Variants in TEAD1 observed in about 807,000 individuals in gnomAD.
The protein encoded by TEAD1 is transcriptional enhancer factor TEF-1.
In TEAD1, 9 loss-of-function variants were observed where a neutral mutation model predicts 54.9. The observed-to-expected ratio is 0.16, with a 90% CI of 0.10 to 0.29. The LOEUF is 0.29. Ranked by LOEUF, TEAD1 falls within the 10% of genes least tolerant of loss-of-function variation. The probability of loss-of-function intolerance (pLI) is 1.00; values close to 1 mark genes in which losing one functional copy is unlikely to be tolerated. For synonymous variants in TEAD1, 200 were observed against 187.8 expected (o/e 1.07, Z -0.53); for missense variants, 387 against 535.9 (o/e 0.72, Z 2.74).
At chr11:12,797,378 T>G (rs555104285) in intron 3 of TEAD1, among the ~76,000 whole-genome samples, 1 of 152,252 alleles carries the variant, frequency 6.6e-6, no homozygotes, top group East Asian at 1.9e-4. Flanking sequence ...ATGCATTTGG[T>G]CCTCAGACTA....
chr11:12,770,871 C>G (rs1042229524), intron 3 of TEAD1, among the ~76,000 whole-genome samples: 1 of 152,218 alleles, frequency 6.6e-6, no homozygotes, highest in Admixed American at 6.5e-5. Context: ...ATGAGACAGA[C>G]AGACTTAGCT....
intron 2 of TEAD1, among the ~76,000 whole-genome samples, chr11:12,756,075 A>G (rs907675620): frequency 6.6e-6 from 1 of 152,190 alleles, no homozygotes; most frequent in Non-Finnish European, 1.5e-5. Flanking sequence ...GATGGAGCGG[A>G]GAATTAATCA....
intron 10 of TEAD1, among the ~76,000 whole-genome samples, chr11:12,912,692 A>C (rs1327008430): frequency 1.3e-5 from 2 of 152,148 alleles, no homozygotes; most frequent in Non-Finnish European, 2.9e-5. Context: ...GAAAATGAGC[A>C]CAAGAGCTTA....
rs1356798776 is a variant in TEAD1, at chr11:12,944,515, G to T, written c.*7293G>T. On this transcript the variant is annotated 3_prime_UTR_variant, in exon 13 of 13. Coordinates refer to ENST00000527636, the MANE Select transcript of TEAD1 (RefSeq NM_021961.6). ...AAAAAAATGTATTCTAGCTTTTGCGGTACATATGTGTGATAACTTTAATAC... is the reference window on the plus strand; with the variant it reads ...AAAAAAATGTATTCTAGCTTTTGCGTTACATATGTGTGATAACTTTAATAC... 1 of 152,258 alleles carries T rather than the reference G, an allele frequency of 6.6e-6. No individual in the cohort carries two copies. The highest frequency in any genetic ancestry group is 1.5e-5 in the Non-Finnish European group (1 of 67,978). 9.4% of individuals were successfully genotyped at this position (152,258 alleles called of 1,614,324 possible).
chr11:12,905,235 G>A (rs902789871), intron 10 of TEAD1, among the ~76,000 whole-genome samples: 3 of 152,100 alleles, frequency 2.0e-5, no homozygotes, highest in African/African-American at 7.2e-5. Flanking sequence ...TTACCCAGTG[G>A]ATGATTTTAA....
intron 3 of TEAD1, among the ~76,000 whole-genome samples, chr11:12,799,333 C>A (rs1390767396): frequency 6.6e-6 from 1 of 152,216 alleles, no homozygotes; most frequent in Non-Finnish European, 1.5e-5. Flanking sequence ...TAGTCACATG[C>A]AATCTTTTTC....
chr11:12,892,346 A>T (rs1948213248), intron 9 of TEAD1, among the ~76,000 whole-genome samples: 1 of 152,158 alleles, frequency 6.6e-6, no homozygotes, highest in Admixed American at 6.5e-5. Flanking sequence ...ACAAGATAAA[A>T]AGCAAGGTTT....
intron 3 of TEAD1, among the ~76,000 whole-genome samples, chr11:12,803,991 A>T (rs1946118217): frequency 1.3e-5 from 2 of 152,324 alleles, no homozygotes; most frequent in Non-Finnish European, 2.9e-5. Flanking sequence ...GTTAGTTAGA[A>T]TTTGGTGGTG....
intron 9 of TEAD1, among the ~76,000 whole-genome samples, chr11:12,887,853 G>A (rs79849321): frequency 0.012 from 1,880 of 152,262 alleles, 37 homozygotes; most frequent in African/African-American, 0.043. Context: ...CGAACAAAGT[G>A]ACCAATAATT....
intron 3 of TEAD1, among the ~76,000 whole-genome samples, chr11:12,786,188 T>C (rs2133955074): frequency 6.6e-6 from 1 of 152,272 alleles, no homozygotes; most frequent in South Asian, 2.1e-4. Context: ...AAATGGGGAT[T>C]TAGGCAGAGA....
intron 10 of TEAD1, among the ~76,000 whole-genome samples, chr11:12,904,386 T>TA (rs1159822571): frequency 6.6e-6 from 1 of 152,216 alleles, no homozygotes; most frequent in Admixed American, 6.5e-5. Context: ...TCTCAGTACT[T>TA]AAAGACTTTT....
chr11:12,773,856 C>G (rs921942570), intron 3 of TEAD1, among the ~76,000 whole-genome samples: 1 of 152,174 alleles, frequency 6.6e-6, no homozygotes, highest in Non-Finnish European at 1.5e-5. Context: ...AGTCTGAGAA[C>G]TCATTGCCTA....
At chr11:12,693,613 C>T (rs142437775) in intron 2 of TEAD1, among the ~76,000 whole-genome samples, 4 of 152,218 alleles carry the variant, frequency 2.6e-5, no homozygotes, top group African/African-American at 4.8e-5. Context: ...ATGACGGCTT[C>T]CCATGTGATG....
In TEAD1 at chr11:12,754,919, C is replaced by T. The variant is rs913274875; in HGVS notation, c.-54-9260C>T. The stretch of plus-strand genomic sequence containing the variant: ...CCAGAATGAGAGAAGCATCCAAAGT[C>T]ATAGAAGCTGGTGGAGAAGGCCCTG... On this transcript the variant is annotated intron_variant, in intron 2 of 12. Coordinates refer to ENST00000527636, the MANE Select transcript of TEAD1 (RefSeq NM_021961.6). Among the ~76,000 whole-genome samples, 7 of 152,202 alleles carry T rather than the reference C, an allele frequency of 4.6e-5. 1 individual carries two copies. Among genetic ancestry groups the T allele is most frequent in the Admixed American group, 6.5e-5 (1 of 15,288 alleles).
At chr11:12,902,200 G>A in intron 10 of TEAD1, 87 bp downstream of exon 10, 1 of 1,546,884 alleles carries the variant, frequency 6.5e-7, no homozygotes, top group Non-Finnish European at 8.9e-7. Context: ...AGCTGGCTTT[G>A]GATTTACACT....
At chr11:12,903,904 T>C (rs964420965) in intron 10 of TEAD1, among the ~76,000 whole-genome samples, 31 of 152,194 alleles carry the variant, frequency 2.0e-4, no homozygotes, top group Non-Finnish European at 3.4e-4. Flanking sequence ...GAAAAAGCGA[T>C]CACAGTCACA....
intron 3 of TEAD1, among the ~76,000 whole-genome samples, chr11:12,789,034 G>T (rs1006041063): frequency 1.9e-4 from 29 of 152,204 alleles, no homozygotes; most frequent in African/African-American, 5.5e-4. Context: ...ATAGACCTGA[G>T]CCACTGCACC....
At chr11:12,690,241 C>CAAAAA in intron 2 of TEAD1, among the ~76,000 whole-genome samples, 1 of 81,658 alleles carries the variant, frequency 1.2e-5, no homozygotes, top group Non-Finnish European at 2.7e-5. Context: ...GACTCCGTCT[C>CAAAAA]AAAAAAAAAA....
chr11:12,770,924 C>T (rs1295108319), intron 3 of TEAD1, among the ~76,000 whole-genome samples: 1 of 152,178 alleles, frequency 6.6e-6, no homozygotes, highest in Non-Finnish European at 1.5e-5. Flanking sequence ...GGTTTTTAAA[C>T]TTATTTTGGA....
Sources: gnomAD v4.1 joint callset for allele counts (sites outside exome capture counted in the v4.1 genomes callset) on GRCh38, gnomAD v4.1.1 for gene constraint, MANE v1.5 for transcripts, NCBI Gene and HGNC (gene_info 2026-07-23, HGNC 2026-07-21) for gene names.